Variants in CAND1 observed in about 807,000 individuals in gnomAD.
CAND1 encodes cullin associated and neddylation dissociated 1.
CAND1 carries 7 observed loss-of-function variants against 108.5 expected under a neutral mutation model. That is an observed-to-expected ratio of 0.06 (90% CI 0.04 to 0.12). The LOEUF is 0.12. CAND1 is among the 10% of genes least tolerant of loss of function. CAND1 has a pLI of 1.00. For missense variants in CAND1, 941 were observed against 1,448.7 expected, an observed-to-expected ratio of 0.65 and a Z score of 5.69; for synonymous variants, 534 against 512.0, an observed-to-expected ratio of 1.04 and a Z score of -0.58.
intron 2 of CAND1, among the ~76,000 whole-genome samples, chr12:67,291,669 A>G (rs1360442756): frequency 6.6e-6 from 1 of 152,172 alleles, no homozygotes; most frequent in East Asian, 1.9e-4. Context: ...TACATTGAAG[A>G]TAGGAAGGGA....
At chr12:67,286,370 A>G (rs1310095890) in intron 2 of CAND1, among the ~76,000 whole-genome samples, 1 of 152,156 alleles carries the variant, frequency 6.6e-6, no homozygotes, top group African/African-American at 2.4e-5. Context: ...GCTTTTTATG[A>G]AAACGCCAAA....
At chr12:67,294,967 C>G in intron 3 of CAND1, 66 bp from the exon 4 acceptor site, 2 of 1,530,992 alleles carry the variant, frequency 1.3e-6, no homozygotes, top group Non-Finnish European at 1.8e-6. Flanking sequence ...TTGGTAACTA[C>G]CATGAATATA....
intron 2 of CAND1, among the ~76,000 whole-genome samples, chr12:67,290,843 G>A (rs373906585): frequency 3.9e-5 from 6 of 152,296 alleles, no homozygotes; most frequent in South Asian, 4.1e-4. Flanking sequence ...AGCAGAGGGC[G>A]AGCCAGCATT....
In CAND1 at chr12:67,305,036, G is replaced by A; in HGVS notation, c.1436-68G>A. 7.4e-7 allele frequency: 1 copy of A among 1,354,334 alleles called. No homozygotes were observed. The highest frequency in any genetic ancestry group is 2.3e-5 in the East Asian group (1 of 43,576). 83.9% of individuals were successfully genotyped at this position (1,354,334 alleles called of 1,614,324 possible). ...TGGGAACATTAGCAGTACTATAGGG[G>A]TTGATTTTTAATTTTTCTTTCTTAA... On this transcript the variant is annotated intron_variant, in intron 9 of 14. Coordinates refer to ENST00000545606, the MANE Select transcript of CAND1 (RefSeq NM_018448.5). The surrounding 1 kb of genome is among the most constrained non-coding windows in gnomAD (Gnocchi z 4.4).
At chr12:67,272,672 G>T (rs1407235927) in intron 1 of CAND1, among the ~76,000 whole-genome samples, 1 of 152,022 alleles carries the variant, frequency 6.6e-6, no homozygotes, top group African/African-American at 2.4e-5. Context: ...CATATGCAGG[G>T]TTTTTGTTGT....
At chr12:67,300,046 T>C (rs2044809033) in intron 7 of CAND1, among the ~76,000 whole-genome samples, 1 of 152,154 alleles carries the variant, frequency 6.6e-6, no homozygotes, top group Non-Finnish European at 1.5e-5. Context: ...AGTTCCATTT[T>C]CTTTTTTCCA....
At chr12:67,278,109 C>T (rs1252404) in intron 1 of CAND1, among the ~76,000 whole-genome samples, 113,117 of 152,062 alleles carry the variant, frequency 0.74, 43,032 homozygotes, top group African/African-American at 0.9. Context: ...CTGGCACTAA[C>T]TTCCTCCTGC....
intron 2 of CAND1, among the ~76,000 whole-genome samples, chr12:67,284,100 AT>A (rs1472465082): frequency 6.6e-6 from 1 of 152,168 alleles, no homozygotes; most frequent in Non-Finnish European, 1.5e-5. Flanking sequence ...TGAACAAAGA[AT>A]TCATCACCCA....
At chr12:67,300,071 C>A (rs1295592915) in intron 7 of CAND1, among the ~76,000 whole-genome samples, 3 of 152,132 alleles carry the variant, frequency 2.0e-5, no homozygotes, top group Non-Finnish European at 4.4e-5. Flanking sequence ...CTCTTGAATC[C>A]ACTCCTCCAG....
At chr12:67,278,395 T>A (rs1050841394) in intron 1 of CAND1, among the ~76,000 whole-genome samples, 7 of 152,046 alleles carry the variant, frequency 4.6e-5, no homozygotes, top group Admixed American at 2.6e-4. Flanking sequence ...GACCTCCACC[T>A]GCCTAGGTCT....
intron 2 of CAND1, among the ~76,000 whole-genome samples, chr12:67,287,350 T>C (rs1157786531): frequency 6.6e-6 from 1 of 152,244 alleles, no homozygotes; most frequent in Non-Finnish European, 1.5e-5. Context: ...ATGTAAGTTT[T>C]AGAGTTGTCA....
At chr12:67,290,238 T>C (rs1005865054) in intron 2 of CAND1, among the ~76,000 whole-genome samples, 64 of 152,226 alleles carry the variant, frequency 4.2e-4, no homozygotes, top group Admixed American at 5.9e-4. Context: ...CAGCCTGGCG[T>C]GGTGGCTTAT....
Position 67,306,614 on chromosome 12 carries a change from T to C in CAND1, c.2929+17T>C. Reference sequence around the variant, plus strand: ...TGATATCAGGTAGGTATCTAGATTTTCTTACTTAAAAAGTTTTTTATTGAT... The same window carrying C: ...TGATATCAGGTAGGTATCTAGATTTCCTTACTTAAAAAGTTTTTTATTGAT... On this transcript the variant is annotated intron_variant, in intron 10 of 14. Coordinates refer to ENST00000545606, the MANE Select transcript of CAND1 (RefSeq NM_018448.5). The C allele has an allele frequency of 6.4e-7, 1 of 1,550,830 alleles. No homozygotes were observed. The highest frequency in any genetic ancestry group is 8.7e-7 in the Non-Finnish European group (1 of 1,151,898).
chr12:67,304,054 A>G (rs1226861661), intron 8 of CAND1, among the ~76,000 whole-genome samples: 1 of 140,012 alleles, frequency 7.1e-6, no homozygotes, highest in Non-Finnish European at 1.5e-5. Flanking sequence ...CAGTGGTGCT[A>G]TCTCGGCTCA....
In CAND1 at chr12:67,307,421, T is replaced by G. The variant is rs766339055; in HGVS notation, c.2954T>G (p.Val985Gly). 1 of 1,611,336 alleles carries G rather than the reference T, an allele frequency of 6.2e-7. No individual in the cohort carries two copies. The highest frequency in any genetic ancestry group is 1.1e-5 in the South Asian group (1 of 90,640). ...GGCTCATCATATGCCCGAAGCTCAG[T>G]GGTTACGGCTGTGAAATTTACAATT... The part of the protein sequence containing the change: ...ISGSSYARSS[V>G]VTAVKFTISD... The change falls in exon 11 of 15, where the codon GTG becomes GGG. Residue 985 changes from valine to glycine, a missense_variant. This residue lies in a region of CAND1 where 106 missense variants were observed against 182.0 expected (regional missense o/e 0.58). Transcript: ENST00000545606.
rs2044970153 is a variant in CAND1, at chr12:67,313,103, A to G, written c.*273A>G. ...AATGGAAACTAAAAGTTAGGATTTT[A>G]TGGAGTATGGAGATAGGGTCCAGTA... On this transcript the variant is annotated 3_prime_UTR_variant, in exon 15 of 15. Coordinates refer to ENST00000545606, the MANE Select transcript of CAND1 (RefSeq NM_018448.5). 3 of 270,522 alleles carry G rather than the reference A, an allele frequency of 1.1e-5. No individual in the cohort carries two copies. The allele number at this position is 270,522 out of a possible 1,614,324, so 16.8% of individuals were successfully genotyped here. A position where few individuals can be genotyped will look rare whatever the true frequency, so the allele number is the denominator to read the frequency against.
chr12:67,313,879 A>G lies in CAND1; in HGVS notation c.*1049A>G, dbSNP rs1344376940. On this transcript the variant is annotated 3_prime_UTR_variant, in exon 15 of 15. Transcript: ENST00000545606. ...GCTATCACAGGTTTGTTAGCTAATA[A>G]TAGTATTTTCTTTTAGTTGAGTTAG... is the stretch of plus-strand genomic sequence containing the variant. 1 of 152,530 alleles carries G rather than the reference A, an allele frequency of 6.6e-6. No individual in the cohort carries two copies. The highest frequency in any genetic ancestry group is 3.2e-3 in the Middle Eastern group (1 of 316). The allele number at this position is 152,530 out of a possible 1,614,324, so 9.4% of individuals were successfully genotyped here.
At chr12:67,296,072 G>T (rs1371016306) in intron 4 of CAND1, among the ~76,000 whole-genome samples, 1 of 152,188 alleles carries the variant, frequency 6.6e-6, no homozygotes, top group Admixed American at 6.6e-5. Context: ...TAGTTTTCTA[G>T]AATAGAGAAT....
Position 67,269,612 on chromosome 12 carries a change from G to C in CAND1, c.-106G>C. 2 of 966,542 alleles carry C rather than the reference G, an allele frequency of 2.1e-6. No individual in the cohort carries two copies. The highest frequency in any genetic ancestry group is 3.1e-6 in the Non-Finnish European group (2 of 645,500). The allele number at this position is 966,542 out of a possible 1,614,324, so 59.9% of individuals were successfully genotyped here. ...CGTCGCGCTGCGACCCTGGAAGCGG[G>C]AGCCGCCGCGAGCGAGAGGAGGAGC... On this transcript the variant is annotated 5_prime_UTR_variant, in exon 1 of 15. Coordinates refer to ENST00000545606, the MANE Select transcript of CAND1 (RefSeq NM_018448.5).
Sources: allele counts gnomAD v4.1 joint callset (sites outside exome capture counted in the v4.1 genomes callset), GRCh38; gene constraint gnomAD v4.1.1; regional missense constraint gnomAD v4.1.1; non-coding constraint Gnocchi (gnomAD v3.1); transcripts MANE v1.5; gene names NCBI Gene and HGNC (gene_info 2026-07-23, HGNC 2026-07-21).